Variants in PRRC1 observed in about 807,000 individuals in gnomAD.
PRRC1 encodes proline rich coiled-coil 1, also known as protein PRRC1.
PRRC1 carries 39 observed loss-of-function variants against 40.7 expected under a neutral mutation model. The observed-to-expected ratio is 0.96, with a 90% CI of 0.74 to 1.25. The LOEUF (loss-of-function observed/expected upper bound fraction) is 1.25, where lower values mean the gene tolerates loss of function less well. Ranked by LOEUF, PRRC1 falls within the 50% of genes most tolerant of loss-of-function variation. The pLI is 0.00. For synonymous variants in PRRC1, 175 were observed against 193.3 expected, an observed-to-expected ratio of 0.91 and a Z score of 0.79; for missense variants, 573 against 548.3, an observed-to-expected ratio of 1.05 and a Z score of -0.45.
At chr5:127,529,849 CGA>C (rs1251769244) in intron 4 of PRRC1, among the ~76,000 whole-genome samples, 2 of 152,158 alleles carry the variant, frequency 1.3e-5, no homozygotes, top group Admixed American at 1.3e-4. Flanking sequence ...TGCCCCCAGA[CGA>C]GAGGTGTTTT....
chr5:127,548,937 A>AGACT (rs1209956269), intron 8 of PRRC1: 4 of 152,178 alleles, frequency 2.6e-5, no homozygotes, highest in Non-Finnish European at 5.9e-5. Context: ...GGTGATTAAA[A>AGACT]GACTGTAAGT....
chr5:127,523,117 A>G (rs1056549292), intron 1 of PRRC1, among the ~76,000 whole-genome samples: 1 of 152,214 alleles, frequency 6.6e-6, no homozygotes, highest in African/African-American at 2.4e-5. Context: ...TGGCCCAGAC[A>G]TAACTATCTC....
intron 5 of PRRC1, among the ~76,000 whole-genome samples, chr5:127,531,481 A>T (rs959699706): frequency 1.3e-5 from 2 of 152,200 alleles, no homozygotes; most frequent in African/African-American, 4.8e-5. Flanking sequence ...TTTTGAATGA[A>T]GGAAAAAAAG....
At chr5:127,538,475 T>C (rs1767954388) in intron 6 of PRRC1, among the ~76,000 whole-genome samples, 1 of 152,118 alleles carries the variant, frequency 6.6e-6, no homozygotes, top group Admixed American at 6.6e-5. Flanking sequence ...TATAATCAGT[T>C]CATGTCTTCA....
At chr5:127,544,820 C>T (rs1049203063) in intron 7 of PRRC1, among the ~76,000 whole-genome samples, 1 of 152,188 alleles carries the variant, frequency 6.6e-6, no homozygotes, top group East Asian at 1.9e-4. Context: ...ACTCCCTGAC[C>T]CCTTGCGCTT....
chr5:127,536,944 T>G (rs533947718), intron 6 of PRRC1, among the ~76,000 whole-genome samples: 1 of 151,904 alleles, frequency 6.6e-6, no homozygotes, highest in Non-Finnish European at 1.5e-5. Flanking sequence ...AATGGTAACC[T>G]GTTTTTGTTC....
At chr5:127,543,554 T>A (rs1222264182) in intron 7 of PRRC1, among the ~76,000 whole-genome samples, 2 of 152,194 alleles carry the variant, frequency 1.3e-5, no homozygotes, top group Admixed American at 6.5e-5. Context: ...CCATATTTCT[T>A]GGAGGCTTTG....
chr5:127,542,593 T>G (rs1768079826), intron 7 of PRRC1, among the ~76,000 whole-genome samples: 2 of 151,438 alleles, frequency 1.3e-5, no homozygotes, highest in South Asian at 4.2e-4. Flanking sequence ...GATAGTTAGC[T>G]CTTCTTGTTG....
chr5:127,527,994 A>G (rs1367828201), intron 4 of PRRC1, among the ~76,000 whole-genome samples: 1 of 152,170 alleles, frequency 6.6e-6, no homozygotes, highest in Non-Finnish European at 1.5e-5. Flanking sequence ...TTGACAGGCA[A>G]AAAATAATAC....
At position 127,530,321 on chromosome 5, in the gene PRRC1, T is replaced by C; in HGVS notation, c.682T>C (p.Ser228Pro). 3 of 1,613,956 alleles carry C rather than the reference T, an allele frequency of 1.9e-6. No homozygotes were observed. Among genetic ancestry groups the C allele is most frequent in the Non-Finnish European group, 1.7e-6 (2 of 1,179,904 alleles). ...TGTGGCTGGGAATCCTATGGTGAAG[T>C]CTGTGCTTGATAAGACAAAACATTC... ...KGVAGNPMVK[S>P]VLDKTKHSVE... Residue 228 changes from serine (S) to proline (P), a missense_variant, in exon 5 of 9, where the codon TCT becomes CCT. Physicochemically the swap from Ser to Pro is moderately conservative, Grantham distance 74 (BLOSUM62 -1). Transcript: ENST00000296666.
At chr5:127,526,588 A>T (rs1488337912) in intron 3 of PRRC1, 30 bp from the exon 4 acceptor site, 3 of 1,569,216 alleles carry the variant, frequency 1.9e-6, no homozygotes, top group South Asian at 1.2e-5. Context: ...GGAATAAATT[A>T]TACATATGAA....
chr5:127,553,380 A>T lies in PRRC1; in HGVS notation c.*1464A>T. 9.8e-7 allele frequency: 1 copy of T among 1,018,612 alleles called. No homozygotes were observed. The highest frequency in any genetic ancestry group is 1.2e-6 in the Non-Finnish European group (1 of 852,562). The allele number at this position is 1,018,612 out of a possible 1,614,324, so 63.1% of individuals were successfully genotyped here. On this transcript the variant is annotated 3_prime_UTR_variant, in exon 9 of 9. Transcript: ENST00000296666. ...AGCACTGTATAATGACTGTTCAGTGAATATCAGACTTCCGTGTCATTAAAA... is the reference window on the plus strand; with the variant it reads ...AGCACTGTATAATGACTGTTCAGTGTATATCAGACTTCCGTGTCATTAAAA...
intron 7 of PRRC1, 88 bp from the exon 8 acceptor site, chr5:127,547,731 A>T (rs963096361): frequency 2.4e-6 from 2 of 834,106 alleles, no homozygotes; most frequent in African/African-American, 3.4e-5. Context: ...GTTCTATCTG[A>T]ATAATAGTAC....
rs947177285 is a variant in PRRC1 at position 127,524,595 on chromosome 5, C to G, written c.168C>G (p.Tyr56Ter). 6.2e-7 allele frequency: 1 copy of G among 1,614,136 alleles called. No homozygotes were observed. Among genetic ancestry groups the G allele is most frequent in the Admixed American group, 1.7e-5 (1 of 60,030 alleles). Residue 56 changes from tyrosine (Y) to a stop codon, truncating the protein, a stop_gained, in exon 3 of 9, where the codon TAC becomes TAG. Coordinates refer to ENST00000296666, the MANE Select transcript of PRRC1 (RefSeq NM_130809.5). LOFTEE classifies it high-confidence loss of function. ...TGGAGTCCTTCCCACCACTCGCATA[C>G]TCTACTCCTCAGCCGCCCCTTCCTC... The part of the protein sequence containing the change: ...SSMESFPPLA[Y>*]STPQPPLPPV...
Position 127,524,800 on chromosome 5 carries a change from C to G in PRRC1, c.373C>G (p.Pro125Ala), listed in dbSNP as rs143578156. 857 of 1,614,214 alleles carry G rather than the reference C, an allele frequency of 5.3e-4. 2 individuals are homozygous for G. Among genetic ancestry groups the G allele is most frequent in the Admixed American group, 1.5e-3 (93 of 60,024 alleles). ...SAPNTLLPAP[P>A]SGPPISGFSV... ...CCCAAACACTCTTTTACCTGCACCC[C>G]CTTCGGGTCCTCCTATATCAGGATT... The change falls in exon 3 of 9, where the codon CCT becomes GCT. Residue 125 changes from proline to alanine, a missense_variant. Transcript: ENST00000296666.
chr5:127,525,916 T>G (rs1309616889), intron 3 of PRRC1, among the ~76,000 whole-genome samples: 2 of 152,008 alleles, frequency 1.3e-5, no homozygotes, highest in Non-Finnish European at 2.9e-5. Context: ...TTCCAGGGAG[T>G]AGTGTTTTTT....
chr5:127,549,336 C>T (rs952392352), intron 8 of PRRC1: 2 of 152,068 alleles, frequency 1.3e-5, no homozygotes, highest in Admixed American at 6.6e-5. Flanking sequence ...ATGTCAAAAC[C>T]ATTGGTAAAA....
chr5:127,533,853 T>C (rs1767834125), intron 6 of PRRC1, 67 bp downstream of exon 6: 1 of 1,529,986 alleles, frequency 6.5e-7, no homozygotes, highest in Admixed American at 1.7e-5. Context: ...ATTCTGATAA[T>C]CTGTTGTCTC....
rs1768483569 is a variant in PRRC1 at position 127,554,771 on chromosome 5, T to C, written c.*2855T>C. 6.6e-6 allele frequency: 1 copy of C among 152,648 alleles called. No individual in the cohort carries two copies. Among genetic ancestry groups the C allele is most frequent in the Admixed American group, 6.5e-5 (1 of 15,286 alleles). The allele number at this position is 152,648 out of a possible 1,614,324, so 9.5% of individuals were successfully genotyped here. A position where few individuals can be genotyped will look rare whatever the true frequency, so the allele number is the denominator to read the frequency against. On this transcript the variant is annotated 3_prime_UTR_variant, in exon 9 of 9. Coordinates refer to ENST00000296666, the MANE Select transcript of PRRC1 (RefSeq NM_130809.5). Reference sequence around the variant, plus strand: ...AAGTATCTAAGTGCAGATGAAAGTGTGTTATATACATCCATTCAAAATTAT... The same window carrying C: ...AAGTATCTAAGTGCAGATGAAAGTGCGTTATATACATCCATTCAAAATTAT...
Sources: gnomAD v4.1 joint callset for allele counts (sites outside exome capture counted in the v4.1 genomes callset) on GRCh38, gnomAD v4.1.1 for gene constraint, MANE v1.5 for transcripts, NCBI Gene and HGNC (gene_info 2026-07-23, HGNC 2026-07-21) for gene names.